The following ESRRG variants were observed in gnomAD, a reference collection of about 807,000 sequenced individuals.
ESRRG encodes estrogen related receptor gamma.
A neutral mutation model predicts 44.0 loss-of-function variants in ESRRG; 13 were observed. The observed-to-expected ratio is 0.30, with a 90% confidence interval of 0.19 to 0.47. The LOEUF (loss-of-function observed/expected upper bound fraction) is 0.47, where lower values mean the gene tolerates loss of function less well. Ranked by LOEUF, ESRRG falls within the 20% of genes least tolerant of loss-of-function variation. The pLI, the probability that ESRRG is intolerant of heterozygous loss-of-function variation, is 1.00. For missense variants in ESRRG, 395 were observed against 580.6 expected, an observed-to-expected ratio of 0.68 and a Z score of 3.29; for synonymous variants, 215 against 214.6, an observed-to-expected ratio of 1.00 and a Z score of -0.02.
intron 3 of ESRRG, among the ~76,000 whole-genome samples, chr1:216,647,132 G>C (rs12134503): frequency 0.21 from 31,873 of 151,944 alleles, 4,262 homozygotes; most frequent in Non-Finnish European, 0.3. Context: ...AATAAATCTT[G>C]ACCAGATTTA....
chr1:216,706,635 A>G (rs1243111155), intron 1 of ESRRG, among the ~76,000 whole-genome samples: 1 of 152,204 alleles, frequency 6.6e-6, no homozygotes, highest in Non-Finnish European at 1.5e-5. Flanking sequence ...ACTCAGTAAC[A>G]TGTAGTATAA....
intron 2 of ESRRG, among the ~76,000 whole-genome samples, chr1:216,806,116 T>C (rs947033681): frequency 6.6e-6 from 1 of 152,224 alleles, no homozygotes; most frequent in African/African-American, 2.4e-5. Context: ...CTCTGTTTTC[T>C]GCCTACAGTA....
rs554110932 is a variant in ESRRG, at chr1:216,745,130, T to G, written c.-13-67639A>C. On this transcript the variant is annotated intron_variant, in intron 2 of 7. Transcript: ENST00000359162. ...TTGCTATATTCTTTCACATTTTGCTTGTCTTTCATCCTTTTTTTGTTTTTT... is the reference window on the plus strand; with the variant it reads ...TTGCTATATTCTTTCACATTTTGCTGGTCTTTCATCCTTTTTTTGTTTTTT... Among the ~76,000 whole-genome samples the G allele has an allele frequency of 1.1e-4, 16 of 152,108 alleles. No individual in the cohort carries two copies. The South Asian group carries it at 3.1e-3, about 30-fold the overall frequency.
chr1:216,993,952 G>A (rs1320498679), intron 1 of ESRRG, among the ~76,000 whole-genome samples: 1 of 152,020 alleles, frequency 6.6e-6, no homozygotes, highest in East Asian at 1.9e-4. Flanking sequence ...TTTATTTCAT[G>A]AATATGATGG....
chr1:216,673,269 G>A (rs193091041), intron 2 of ESRRG, among the ~76,000 whole-genome samples: 16 of 152,352 alleles, frequency 1.1e-4, no homozygotes, highest in South Asian at 4.1e-4. Flanking sequence ...AGGAGGGGCC[G>A]TTCCAATCTT....
chr1:216,992,424 T>C (rs1175645630), intron 1 of ESRRG, among the ~76,000 whole-genome samples: 2 of 152,190 alleles, frequency 1.3e-5, no homozygotes, highest in African/African-American at 4.8e-5. Flanking sequence ...TCTTGAATTA[T>C]TAGAGATAAA....
chr1:216,912,171 AAAAGAAAAGAAAAGGAGAGGAGAGG>A lies in ESRRG; in HGVS notation c.-14+27386_-14+27410del, dbSNP rs2060466768. On this transcript the variant is annotated intron_variant, in intron 2 of 7. Coordinates refer to the ESRRG transcript ENST00000359162. ...AAAAGAAAAGAAAAGAAAAGAAAAG[AAAAGAAAAGAAAAGGAGAGGAGAGG>A]AGAGGAGAGGAGAGGAGAGGAGAGG... 8.6e-4 allele frequency among the ~76,000 whole-genome samples: 29 copies of A among 33,736 alleles called. 2 individuals carry two copies. The highest frequency in any genetic ancestry group is 3.9e-3 in the African/African-American group (22 of 5,580). The allele number at this position is 33,736 out of a possible 152,430, so 22.1% of individuals were successfully genotyped here. A position where few individuals can be genotyped will look rare whatever the true frequency, so the allele number is the denominator to read the frequency against.
intron 1 of ESRRG, among the ~76,000 whole-genome samples, chr1:217,044,472 C>T (rs1180004434): frequency 6.6e-6 from 1 of 152,168 alleles, no homozygotes; most frequent in Non-Finnish European, 1.5e-5. Flanking sequence ...TCCTGGAAAT[C>T]TTTAATTCAT....
chr1:216,552,810 AG>A (rs2056707496), intron 5 of ESRRG, among the ~76,000 whole-genome samples: 1 of 152,164 alleles, frequency 6.6e-6, no homozygotes, highest in Non-Finnish European at 1.5e-5. Context: ...TATATTAGAA[AG>A]GGGTGTTACA....
intron 1 of ESRRG, among the ~76,000 whole-genome samples, chr1:217,098,965 A>T (rs960752486): frequency 1.3e-5 from 2 of 152,182 alleles, no homozygotes; most frequent in African/African-American, 4.8e-5. Flanking sequence ...CCCAGTCCTC[A>T]CCTACTTTCC....
chr1:216,614,725 A>C (rs886484812), intron 3 of ESRRG, among the ~76,000 whole-genome samples: 1 of 152,360 alleles, frequency 6.6e-6, no homozygotes, highest in African/African-American at 2.4e-5. Flanking sequence ...TGGACTCAAA[A>C]GTCAATTGCA....
At chr1:217,112,023 C>T (rs1465676306) in intron 1 of ESRRG, among the ~76,000 whole-genome samples, 2 of 152,032 alleles carry the variant, frequency 1.3e-5, no homozygotes, top group African/African-American at 4.8e-5. Context: ...GTTGATAGCC[C>T]CACCTGAGCT....
chr1:216,867,928 C>A (rs1388352215), intron 2 of ESRRG, among the ~76,000 whole-genome samples: 3 of 152,022 alleles, frequency 2.0e-5, no homozygotes, highest in Non-Finnish European at 2.9e-5. Flanking sequence ...TGCCTGTCAC[C>A]CCTAACTCCT....
chr1:216,924,186 A>T (rs1235849798), intron 2 of ESRRG, among the ~76,000 whole-genome samples: 1 of 152,084 alleles, frequency 6.6e-6, no homozygotes, highest in Non-Finnish European at 1.5e-5. Context: ...GAAAGCTGCT[A>T]TGATTTGTAT....
At chr1:217,054,877 T>C (rs1194451076) in intron 1 of ESRRG, among the ~76,000 whole-genome samples, 1 of 152,172 alleles carries the variant, frequency 6.6e-6, no homozygotes, top group Non-Finnish European at 1.5e-5. Flanking sequence ...CTGTGAGATC[T>C]GAAATTACAT....
chr1:217,042,388 A>G (rs2151140715), intron 1 of ESRRG, among the ~76,000 whole-genome samples: 1 of 152,046 alleles, frequency 6.6e-6, no homozygotes, highest in African/African-American at 2.4e-5. Flanking sequence ...AGTGTGACTC[A>G]GGCACAGAGT....
At position 216,677,413 on chromosome 1, in the gene ESRRG, G is replaced by A. The variant is rs1183865862; in HGVS notation, c.135C>T (p.Ser45=). 1.7e-5 allele frequency: 28 copies of A among 1,614,038 alleles called. No individual in the cohort carries two copies. The highest frequency in any genetic ancestry group is 2.7e-5 in the African/African-American group (2 of 74,914). The stretch of plus-strand genomic sequence containing the variant: ...TGACGCTGTCCGTCAGGGAGGCTGG[G>A]CTGGAAGGTTCCGTCTTGATGAAGG... ...CSSFIKTEPS[S]PASLTDSVNH... Residue 45 remains serine, a synonymous_variant, in exon 2 of 7, where the codon AGC becomes AGT. Coordinates refer to ENST00000408911, the MANE Select transcript of ESRRG (RefSeq NM_001438.4).
At chr1:217,023,744 C>T (rs981372894) in intron 1 of ESRRG, among the ~76,000 whole-genome samples, 3 of 152,144 alleles carry the variant, frequency 2.0e-5, no homozygotes, top group African/African-American at 7.2e-5. Context: ...ACTTCCCCAC[C>T]CCGACCCTTG....
chr1:216,519,577 C>G (rs748260621), intron 5 of ESRRG, among the ~76,000 whole-genome samples, 156 bp from the exon 6 acceptor site: 7 of 152,066 alleles, frequency 4.6e-5, no homozygotes, highest in Non-Finnish European at 8.8e-5. Context: ...ACTTTGCGAA[C>G]AGCAAAGTGA....
Sources: gnomAD v4.1 joint callset for allele counts (sites outside exome capture counted in the v4.1 genomes callset) on GRCh38, gnomAD v4.1.1 for gene constraint, MANE v1.5 for transcripts, NCBI Gene and HGNC (gene_info 2026-07-23, HGNC 2026-07-21) for gene names.